ZNF609: variants seen among roughly 807,000 people sequenced by gnomAD.
ZNF609 encodes zinc finger protein 609.
In ZNF609, 11 loss-of-function variants were observed where a neutral mutation model predicts 109.5. The observed-to-expected ratio is 0.10, with a 90% confidence interval of 0.06 to 0.17. ZNF609 has a LOEUF of 0.17. ZNF609 is among the 10% of genes least tolerant of loss of function. ZNF609 has a pLI of 1.00. For synonymous variants in ZNF609, 646 were observed against 662.0 expected, an observed-to-expected ratio of 0.98 and a Z score of 0.37; for missense variants, 1,559 against 1,772.4, an observed-to-expected ratio of 0.88 and a Z score of 2.16.
chr15:64,464,531 GTTTTC>G (rs1029789890), intron 1 of ZNF609, among the ~76,000 whole-genome samples: 4 of 152,224 alleles, frequency 2.6e-5, no homozygotes, highest in Non-Finnish European at 4.4e-5. Context: ...TGTGTGGGAA[GTTTTC>G]TTTTCAGTCT....
intron 2 of ZNF609, among the ~76,000 whole-genome samples, chr15:64,614,869 A>AGTG (rs1346020121): frequency 8.8e-6 from 1 of 113,718 alleles, no homozygotes; most frequent in Non-Finnish European, 1.6e-5. Context: ...CCCAGGTTGG[A>AGTG]GTGCAGGGGC....
intron 2 of ZNF609, among the ~76,000 whole-genome samples, chr15:64,510,225 G>C (rs765496979): frequency 7.5e-6 from 1 of 133,382 alleles, no homozygotes; most frequent in Admixed American, 8.0e-5. Context: ...TTTTTTAACA[G>C]ACAGGGTCTC....
rs1367796230 is a variant in ZNF609 at position 64,652,345 on chromosome 15, A to T, written c.974-18001A>T. The stretch of plus-strand genomic sequence containing the variant: ...AGCCTTATTTTTATTTTATATATAT[A>T]TTTTTAGCCGGGACTACAGGCACAC... On this transcript the variant is annotated intron_variant, in intron 3 of 9. Coordinates refer to ENST00000326648, the MANE Select transcript of ZNF609 (RefSeq NM_015042.2). 6.6e-5 allele frequency among the ~76,000 whole-genome samples: 9 copies of T among 135,414 alleles called. No individual in the cohort carries two copies. The East Asian group carries it at 8.0e-4, about 12-fold the overall frequency. The allele number at this position is 135,414 out of a possible 152,430, so 88.8% of individuals were successfully genotyped here. A position where few individuals can be genotyped will look rare whatever the true frequency, so the allele number is the denominator to read the frequency against.
intron 2 of ZNF609, among the ~76,000 whole-genome samples, chr15:64,571,510 A>G (rs1233847045): frequency 6.6e-6 from 1 of 151,740 alleles, no homozygotes; most frequent in African/African-American, 2.4e-5. Context: ...TTTAATTTTT[A>G]TTGTTATCCT....
chr15:64,485,320 T>C (rs1893317042), intron 1 of ZNF609, among the ~76,000 whole-genome samples: 1 of 152,184 alleles, frequency 6.6e-6, no homozygotes, highest in Non-Finnish European at 1.5e-5. Flanking sequence ...TAGGATCCTG[T>C]ATTAGATATG....
At chr15:64,583,631 A>C (rs1895148017) in intron 2 of ZNF609, among the ~76,000 whole-genome samples, 1 of 152,044 alleles carries the variant, frequency 6.6e-6, no homozygotes, top group Non-Finnish European at 1.5e-5. Flanking sequence ...TGTTGCTGTG[A>C]GTGTTTCATT....
chr15:64,615,731 C>T (rs1895788708), intron 2 of ZNF609, among the ~76,000 whole-genome samples: 1 of 152,170 alleles, frequency 6.6e-6, no homozygotes, highest in South Asian at 2.1e-4. Context: ...AGGTGATCCA[C>T]CTGCCTCGGC....
intron 3 of ZNF609, 39 bp downstream of exon 3, chr15:64,623,091 T>G (rs192705667): frequency 6.3e-7 from 1 of 1,595,370 alleles, no homozygotes; most frequent in Non-Finnish European, 8.6e-7. Flanking sequence ...CTTCTCAACC[T>G]GCTTCTGCAG....
Position 64,680,193 on chromosome 15 carries a change from C to T in ZNF609, c.3778C>T (p.Leu1260=), listed in dbSNP as rs777482242. The T allele has an allele frequency of 7.4e-6, 12 of 1,614,134 alleles. No individual in the cohort carries two copies. The highest frequency in any genetic ancestry group is 1.3e-5 in the African/African-American group (1 of 75,054). ...VMMQNYPGSY[L]PSSYSFSPYG... ...GATTTCTCCTTCCACAGGTTCCTAC[C>T]TGCCTTCCAGCTACTCTTTTTCCCC... The change falls in exon 7 of 10, where the codon CTG becomes TTG. Residue 1260 remains leucine (L), a synonymous_variant. Transcript: ENST00000326648.
intron 2 of ZNF609, among the ~76,000 whole-genome samples, chr15:64,526,524 A>G (rs972761597): frequency 2.6e-5 from 4 of 152,098 alleles, no homozygotes; most frequent in African/African-American, 9.7e-5. Flanking sequence ...TAACTTCTTC[A>G]CTGATTTTAG....
At chr15:64,670,949 C>A (rs1176308079) in intron 4 of ZNF609, among the ~76,000 whole-genome samples, 1 of 150,918 alleles carries the variant, frequency 6.6e-6, no homozygotes. Flanking sequence ...GTGGCTCACG[C>A]CTGTAATCCT....
intron 2 of ZNF609, among the ~76,000 whole-genome samples, chr15:64,595,167 C>G (rs892153780): frequency 1.1e-4 from 16 of 151,118 alleles, no homozygotes; most frequent in African/African-American, 3.9e-4. Context: ...TGAGACCACC[C>G]TGGCCAACAT....
At chr15:64,492,956 G>T (rs760114783) in intron 1 of ZNF609, among the ~76,000 whole-genome samples, 1 of 152,160 alleles carries the variant, frequency 6.6e-6, no homozygotes, top group Admixed American at 6.6e-5. Flanking sequence ...TCCATATTTT[G>T]TGTGTGACCT....
At chr15:64,562,815 GTTCTTTT>G (rs1894701417) in intron 2 of ZNF609, among the ~76,000 whole-genome samples, 1 of 151,764 alleles carries the variant, frequency 6.6e-6, no homozygotes, top group African/African-American at 2.4e-5. Flanking sequence ...TTAGCAGCAA[GTTCTTTT>G]TATTTTCTAG....
At chr15:64,563,088 A>G (rs1894706291) in intron 2 of ZNF609, among the ~76,000 whole-genome samples, 1 of 152,048 alleles carries the variant, frequency 6.6e-6, no homozygotes, top group Admixed American at 6.6e-5. Context: ...GGCTGCAGTG[A>G]GCCATGATCA....
At chr15:64,554,797 A>C (rs1894549593) in intron 2 of ZNF609, among the ~76,000 whole-genome samples, 1 of 151,790 alleles carries the variant, frequency 6.6e-6, no homozygotes, top group Admixed American at 6.6e-5. Flanking sequence ...TGATTTGCTA[A>C]TCTTTAAAGA....
chr15:64,650,108 C>T (rs573900075), intron 3 of ZNF609, among the ~76,000 whole-genome samples: 30 of 135,400 alleles, frequency 2.2e-4, no homozygotes, highest in Admixed American at 8.1e-4. Context: ...GGTGAGAACC[C>T]ATCTCAAAAA....
At chr15:64,585,449 T>C (rs1398969772) in intron 2 of ZNF609, among the ~76,000 whole-genome samples, 1 of 152,234 alleles carries the variant, frequency 6.6e-6, no homozygotes, top group Admixed American at 6.5e-5. Flanking sequence ...TATTTGTTGC[T>C]GTTGTCTTTA....
At position 64,684,722 on chromosome 15, in the gene ZNF609, G is replaced by C. The variant is rs1337085867; in HGVS notation, c.*3036G>C. 1 of 152,578 alleles carries C rather than the reference G, an allele frequency of 6.6e-6. No individual in the cohort carries two copies. Among genetic ancestry groups the C allele is most frequent in the African/African-American group, 2.4e-5 (1 of 41,398 alleles). 9.5% of individuals were successfully genotyped at this position (152,578 alleles called of 1,614,324 possible). On this transcript the variant is annotated 3_prime_UTR_variant, in exon 10 of 10. Transcript: ENST00000326648. ...AGAGTTGCGAGTTAAGACTGCAGAG[G>C]GCTAGAGAATTATTTCATACAGGCT...
Sources: gnomAD v4.1 joint callset for allele counts (sites outside exome capture counted in the v4.1 genomes callset) on GRCh38, gnomAD v4.1.1 for gene constraint, MANE v1.5 for transcripts, NCBI Gene and HGNC (gene_info 2026-07-23, HGNC 2026-07-21) for gene names.